The following CACNA2D1 variants were observed in gnomAD, a reference collection of about 807,000 sequenced individuals.
CACNA2D1 encodes the protein voltage-dependent calcium channel subunit alpha-2/delta-1.
A neutral mutation model predicts 171.5 loss-of-function variants in CACNA2D1; 53 were observed. That is an observed-to-expected ratio of 0.31 (90% CI 0.25 to 0.39). CACNA2D1 has a LOEUF of 0.39. CACNA2D1 is among the 10% of genes least tolerant of loss of function. The pLI is 1.00. For missense variants in CACNA2D1, 903 were observed against 1,299.8 expected (o/e 0.69, Z 4.69); for synonymous variants, 442 against 443.1 (o/e 1.00, Z 0.03).
rs1792079842 is a variant in CACNA2D1, at chr7:81,946,739, A to T, written c.*3653T>A. ...ACACAACAAAAAAGACAGCTTTACT[A>T]GGTCACATTATAAACTCAACTGGCA... On this transcript the variant is annotated 3_prime_UTR_variant, in exon 39 of 39. Transcript: ENST00000356860. The T allele has an allele frequency of 6.6e-6, 1 of 151,078 alleles. No homozygotes were observed. 9.4% of individuals were successfully genotyped at this position (151,078 alleles called of 1,614,324 possible). A position where few individuals can be genotyped will look rare whatever the true frequency, so the allele number is the denominator to read the frequency against.
Position 82,008,294 on chromosome 7 carries a change from A to C in CACNA2D1, c.1363-538T>G, listed in dbSNP as rs550899612. On this transcript the variant is annotated intron_variant, in intron 15 of 38. Transcript: ENST00000356860. The stretch of plus-strand genomic sequence containing the variant: ...GATACTGCATATCTGGGATATTCTA[A>C]GTAAATGTTACGCTCTTCAGAAGCA... Among the ~76,000 whole-genome samples the C allele has an allele frequency of 2.0e-5, 3 of 152,268 alleles. No individual in the cohort carries two copies. The East Asian group carries it at 5.8e-4, about 29-fold the overall frequency.
chr7:82,217,390 C>CACACATATAT (rs1402573092), intron 3 of CACNA2D1, among the ~76,000 whole-genome samples: 1 of 54,448 alleles, frequency 1.8e-5, no homozygotes, highest in Non-Finnish European at 3.0e-5. Flanking sequence ...CACACACACA[C>CACACATATAT]ATACATATAT....
chr7:82,370,470 C>T (rs1334293249), intron 1 of CACNA2D1, among the ~76,000 whole-genome samples: 1 of 151,692 alleles, frequency 6.6e-6, no homozygotes, highest in African/African-American at 2.4e-5. Context: ...AATTAAAATA[C>T]ACAAAAATAT....
At chr7:82,147,150 T>A (rs1306656701) in intron 4 of CACNA2D1, among the ~76,000 whole-genome samples, 1 of 152,040 alleles carries the variant, frequency 6.6e-6, no homozygotes, top group Non-Finnish European at 1.5e-5. Flanking sequence ...TAGGCTACTT[T>A]CACTCTCATA....
At chr7:82,102,933 T>A (rs1812860690) in intron 6 of CACNA2D1, among the ~76,000 whole-genome samples, 1 of 152,206 alleles carries the variant, frequency 6.6e-6, no homozygotes, top group Admixed American at 6.5e-5. Flanking sequence ...ATGAAATGAT[T>A]ATTTTTAACT....
At chr7:82,008,830 T>C (rs1167763796) in intron 15 of CACNA2D1, among the ~76,000 whole-genome samples, 3 of 152,114 alleles carry the variant, frequency 2.0e-5, no homozygotes, top group African/African-American at 7.2e-5. Context: ...CAGGTTGTGG[T>C]TCATAATTGT....
intron 3 of CACNA2D1, among the ~76,000 whole-genome samples, chr7:82,274,798 C>T (rs1809101571): frequency 6.6e-6 from 1 of 152,056 alleles, no homozygotes; most frequent in Non-Finnish European, 1.5e-5. Flanking sequence ...GCTCCTAAAT[C>T]AGTGCCTGAC....
intron 4 of CACNA2D1, among the ~76,000 whole-genome samples, chr7:82,149,829 C>T (rs1203164058): frequency 6.7e-6 from 1 of 150,148 alleles, no homozygotes; most frequent in African/African-American, 2.4e-5. Context: ...TGGTGGTAGG[C>T]GCCTGTAGTC....
chr7:82,105,398 C>CTTTTTTTT (rs572031121), intron 6 of CACNA2D1, among the ~76,000 whole-genome samples: 66 of 99,448 alleles, frequency 6.6e-4, no homozygotes, highest in African/African-American at 8.1e-4. Flanking sequence ...CAGTTTTTGT[C>CTTTTTTTT]TTTTTTTTTT....
At chr7:82,277,695 T>C (rs1279806705) in intron 3 of CACNA2D1, among the ~76,000 whole-genome samples, 1 of 150,204 alleles carries the variant, frequency 6.7e-6, no homozygotes, top group Non-Finnish European at 1.5e-5. Flanking sequence ...TGAGAACATA[T>C]AATTGAAGAT....
intron 1 of CACNA2D1, among the ~76,000 whole-genome samples, chr7:82,425,953 A>T (rs1829135984): frequency 6.6e-6 from 1 of 150,844 alleles, no homozygotes; most frequent in African/African-American, 2.4e-5. Flanking sequence ...AGATGGCGAA[A>T]CCCCGTCTCT....
chr7:82,217,910 ATTATTTATTTAT>A (rs60997591), intron 3 of CACNA2D1, among the ~76,000 whole-genome samples: 5 of 143,766 alleles, frequency 3.5e-5, no homozygotes, highest in Non-Finnish European at 4.5e-5. Context: ...CCAAGACTAC[ATTATTTATTTAT>A]TTATTTATTT....
chr7:81,994,996 A>G (rs1310507415), intron 19 of CACNA2D1, 57 bp from the exon 20 acceptor site: 2 of 838,114 alleles, frequency 2.4e-6, no homozygotes, highest in African/African-American at 1.7e-5. Flanking sequence ...CTGCCAAAAT[A>G]TGACTATTAA....
intron 3 of CACNA2D1, among the ~76,000 whole-genome samples, chr7:82,260,598 T>C (rs1806939578): frequency 1.3e-5 from 2 of 152,228 alleles, no homozygotes; most frequent in Non-Finnish European, 2.9e-5. Context: ...GTAAGAGTTT[T>C]ACATATGGCG....
intron 3 of CACNA2D1, among the ~76,000 whole-genome samples, chr7:82,244,298 T>C (rs1474755989): frequency 6.6e-6 from 1 of 152,186 alleles, no homozygotes; most frequent in Non-Finnish European, 1.5e-5. Flanking sequence ...ATGAGTTATC[T>C]AAACCTACCC....
At chr7:82,319,068 A>G (rs1431151413) in intron 3 of CACNA2D1, among the ~76,000 whole-genome samples, 4 of 152,226 alleles carry the variant, frequency 2.6e-5, no homozygotes, top group African/African-American at 7.2e-5. Context: ...ATATCTCTAT[A>G]AAATTGAGAC....
chr7:82,347,773 T>C (rs1191537996), intron 2 of CACNA2D1, among the ~76,000 whole-genome samples: 2 of 150,910 alleles, frequency 1.3e-5, no homozygotes, highest in Non-Finnish European at 2.9e-5. Context: ...TAATGAGGTA[T>C]GTATCCCATA....
intron 3 of CACNA2D1, among the ~76,000 whole-genome samples, chr7:82,241,922 T>C (rs1804349799): frequency 6.6e-6 from 1 of 152,170 alleles, no homozygotes; most frequent in African/African-American, 2.4e-5. Flanking sequence ...ACAGAGAACA[T>C]ATTACTTTCT....
intron 1 of CACNA2D1, among the ~76,000 whole-genome samples, chr7:82,403,720 T>C (rs1826711338): frequency 1.3e-5 from 2 of 152,306 alleles, no homozygotes; most frequent in Admixed American, 6.5e-5. Flanking sequence ...CCAAACTATA[T>C]GGATACTACA....
Sources: gnomAD v4.1 joint callset for allele counts (sites outside exome capture counted in the v4.1 genomes callset) on GRCh38, gnomAD v4.1.1 for gene constraint, MANE v1.5 for transcripts, NCBI Gene and HGNC (gene_info 2026-07-23, HGNC 2026-07-21) for gene names.